RAD51B: variants seen among roughly 807,000 people sequenced by gnomAD.
RAD51B encodes the protein DNA repair protein RAD51 homolog 2.
RAD51B carries 38 observed loss-of-function variants against 42.2 expected under a neutral mutation model. That is an observed-to-expected ratio of 0.90 (90% CI 0.70 to 1.18). The LOEUF (loss-of-function observed/expected upper bound fraction) is 1.18. Ranked by LOEUF, RAD51B falls within the 50% of genes most tolerant of loss-of-function variation. RAD51B has a pLI of 0.00. For synonymous variants in RAD51B, 154 were observed against 145.2 expected, an observed-to-expected ratio of 1.06 and a Z score of -0.43; for missense variants, 373 against 400.7, an observed-to-expected ratio of 0.93 and a Z score of 0.59.
chr14:68,425,968 CTTT>C (rs2084827464), intron 9 of RAD51B, among the ~76,000 whole-genome samples: 6 of 120,052 alleles, frequency 5.0e-5, no homozygotes. Context: ...TTCTTTCTTT[CTTT>C]CTTTCTTCCT....
intron 10 of RAD51B, among the ~76,000 whole-genome samples, chr14:68,578,579 C>T (rs1250733465): frequency 6.6e-6 from 1 of 152,146 alleles, no homozygotes; most frequent in Non-Finnish European, 1.5e-5. Flanking sequence ...CACACCTGAG[C>T]CCCAGGTCCT....
chr14:68,596,176 A>G (rs550992946), downstream of RAD51B, among the ~76,000 whole-genome samples: 1 of 152,058 alleles, frequency 6.6e-6, no homozygotes, highest in African/African-American at 2.4e-5. Flanking sequence ...ATCCTAAACA[A>G]CACCACCAGG....
intron 5 of RAD51B, 91 bp downstream of exon 5, chr14:67,865,230 C>CACTGCAGTCCATTCCAT: frequency 8.3e-7 from 1 of 1,201,842 alleles, no homozygotes; most frequent in Non-Finnish European, 1.1e-6. Flanking sequence ...TTTACCACCC[C>CACTGCAGTCCATTCCAT]TCCCCCTTGC....
chr14:68,315,342 A>G lies in RAD51B; in HGVS notation c.853+23362A>G, dbSNP rs981001293. Among the ~76,000 whole-genome samples the G allele has an allele frequency of 2.0e-5, 3 of 152,310 alleles. 1 individual carries two copies. The South Asian group carries it at 6.2e-4, about 32-fold the overall frequency. On this transcript the variant is annotated intron_variant, in intron 8 of 10. Coordinates refer to ENST00000471583, the MANE Select transcript of RAD51B (RefSeq NM_133510.4). ...TACCCATCTTTCGTCAGATCAAAGC[A>G]GGCCTCTTGGACTATCTGATCTTTG...
At chr14:68,581,577 C>T (rs989004651) in intron 10 of RAD51B, among the ~76,000 whole-genome samples, 4 of 152,190 alleles carry the variant, frequency 2.6e-5, no homozygotes, top group African/African-American at 9.7e-5. Flanking sequence ...GGGCCTCATA[C>T]TGCCCATAGT....
intron 10 of RAD51B, among the ~76,000 whole-genome samples, chr14:68,509,900 G>A (rs565822851): frequency 1.3e-5 from 2 of 152,224 alleles, no homozygotes; most frequent in Admixed American, 6.5e-5. Flanking sequence ...TTTAGCTTAT[G>A]GGGGGTGCCC....
chr14:68,587,306 A>G (rs1258390536), intron 10 of RAD51B, among the ~76,000 whole-genome samples: 1 of 152,100 alleles, frequency 6.6e-6, no homozygotes, highest in Non-Finnish European at 1.5e-5. Context: ...CTTTCTGTGG[A>G]ATGCAGATCA....
chr14:67,819,926 A>AG (rs2040567465), intron 1 of RAD51B, 73 bp downstream of exon 1: 1 of 151,998 alleles, frequency 6.6e-6, no homozygotes, highest in African/African-American at 2.4e-5. Flanking sequence ...CTCCTTCCCT[A>AG]GGCTCGTGGG....
At chr14:68,543,008 C>T (rs1888046709) in intron 10 of RAD51B, among the ~76,000 whole-genome samples, 1 of 152,194 alleles carries the variant, frequency 6.6e-6, no homozygotes, top group South Asian at 2.1e-4. Context: ...TTCTCTAACC[C>T]AAGTTAAATC....
chr14:68,048,683 G>T (rs2076342242), intron 7 of RAD51B, among the ~76,000 whole-genome samples: 1 of 152,150 alleles, frequency 6.6e-6, no homozygotes, highest in Non-Finnish European at 1.5e-5. Flanking sequence ...AGTTAGAATG[G>T]CAATCATTAA....
At chr14:68,022,586 T>C (rs1306587179) in intron 7 of RAD51B, among the ~76,000 whole-genome samples, 1 of 152,160 alleles carries the variant, frequency 6.6e-6, no homozygotes, top group Non-Finnish European at 1.5e-5. Context: ...GATTTACATT[T>C]TTCTGACTTT....
intron 10 of RAD51B, chr14:68,541,709 A>G (rs1294895672): frequency 2.0e-6 from 2 of 985,350 alleles, no homozygotes; most frequent in Non-Finnish European, 2.4e-6. Flanking sequence ...TAAAGAAGAA[A>G]AAGCTGGCAA....
intron 8 of RAD51B, among the ~76,000 whole-genome samples, chr14:68,370,410 G>A (rs2083229891): frequency 6.6e-6 from 1 of 152,180 alleles, no homozygotes; most frequent in African/African-American, 2.4e-5. Flanking sequence ...AACCTAGTAA[G>A]GCCTGTAAGT....
chr14:68,324,820 C>T (rs1004808145), intron 8 of RAD51B, among the ~76,000 whole-genome samples: 16 of 152,146 alleles, frequency 1.1e-4, no homozygotes, highest in African/African-American at 2.7e-4. Flanking sequence ...TGCTTTACTT[C>T]GGTAGTGCTG....
intron 10 of RAD51B, among the ~76,000 whole-genome samples, chr14:68,526,427 G>A (rs542189006): frequency 3.0e-4 from 45 of 152,312 alleles, no homozygotes; most frequent in Admixed American, 1.2e-3. Context: ...AGAACGTGTC[G>A]TTAAGCGACA....
intron 8 of RAD51B, among the ~76,000 whole-genome samples, chr14:68,393,588 G>A (rs2083823729): frequency 6.6e-6 from 1 of 152,232 alleles, no homozygotes; most frequent in Admixed American, 6.5e-5. Flanking sequence ...TTTGGTTGAA[G>A]CAGGGAAATA....
intron 10 of RAD51B, among the ~76,000 whole-genome samples, chr14:68,649,343 A>G (rs12433279): frequency 0.078 from 11,897 of 152,234 alleles, 587 homozygotes; most frequent in South Asian, 0.13. Context: ...TAGACACACT[A>G]TCAGGACCTT....
chr14:68,608,372 G>C (rs778786141), intron 10 of RAD51B, among the ~76,000 whole-genome samples: 1 of 152,136 alleles, frequency 6.6e-6, no homozygotes, highest in African/African-American at 2.4e-5. Context: ...CCACCACCCC[G>C]AGTCCTTCCC....
intron 5 of RAD51B, 163 bp from the exon 6 acceptor site, chr14:67,885,706 C>A: frequency 8.2e-6 from 7 of 856,036 alleles, no homozygotes; most frequent in Non-Finnish European, 1.1e-5. Context: ...TTAGTGCTTA[C>A]AAAAGAGAGC....
Sources: allele counts gnomAD v4.1 joint callset (sites outside exome capture counted in the v4.1 genomes callset), GRCh38; gene constraint gnomAD v4.1.1; transcripts MANE v1.5; gene names NCBI Gene and HGNC (gene_info 2026-07-23, HGNC 2026-07-21).